SMYD4: variants seen among roughly 807,000 people sequenced by gnomAD.
The protein encoded by SMYD4 is protein-lysine N-methyltransferase SMYD4.
Under a neutral mutation model 72.8 loss-of-function variants are expected in SMYD4, and 68 were observed. The observed-to-expected ratio is 0.93, with a 90% CI of 0.77 to 1.14. The LOEUF (loss-of-function observed/expected upper bound fraction) is 1.14. Among genes scored for constraint, SMYD4 ranks in the 50% most tolerant of loss-of-function variants. SMYD4 has a pLI of 0.00. For missense variants in SMYD4, 984 were observed against 1,003.7 expected, an observed-to-expected ratio of 0.98 and a Z score of 0.27; for synonymous variants, 407 against 388.6, an observed-to-expected ratio of 1.05 and a Z score of -0.56.
chr17:1,826,387 G>T (rs113428902), intron 2 of SMYD4, among the ~76,000 whole-genome samples: 2,863 of 151,616 alleles, frequency 0.019, 105 homozygotes, highest in African/African-American at 0.066. Flanking sequence ...AGCTACTCGG[G>T]AGGCTGAGGC....
At chr17:1,790,908 C>G (rs953913709) in intron 5 of SMYD4, among the ~76,000 whole-genome samples, 20 of 148,550 alleles carry the variant, frequency 1.3e-4, no homozygotes, top group South Asian at 2.1e-4. Context: ...GGGTGGATCA[C>G]GAGGTCAGGA....
At chr17:1,787,232 G>C (rs527278973) in intron 6 of SMYD4, among the ~76,000 whole-genome samples, 190 bp downstream of exon 6, 1 of 152,170 alleles carries the variant, frequency 6.6e-6, no homozygotes, top group Non-Finnish European at 1.5e-5. Context: ...TAGTTTAGCC[G>C]CAATAGGGCC....
At chr17:1,787,771 T>C (rs1908785161) in intron 5 of SMYD4, among the ~76,000 whole-genome samples, 167 bp from the exon 6 acceptor site, 2 of 152,042 alleles carry the variant, frequency 1.3e-5, no homozygotes, top group African/African-American at 4.8e-5. Flanking sequence ...CACGGCAAGC[T>C]CCAGTCCCCA....
Position 1,799,841 on chromosome 17 carries a change from T to G in SMYD4, c.1537+16A>C. ...AGAACAATATTGAAAAGCAGGAACA[T>G]CAGGTTCCCTCTTACCTGTGTGTTG... On this transcript the variant is annotated intron_variant, in intron 5 of 10. Transcript: ENST00000305513. 6.5e-7 allele frequency: 1 copy of G among 1,537,698 alleles called. No individual in the cohort carries two copies. Among genetic ancestry groups the G allele is most frequent in the Middle Eastern group, 1.7e-4 (1 of 5,738 alleles).
At chr17:1,791,748 G>A (rs1345783756) in intron 5 of SMYD4, among the ~76,000 whole-genome samples, 1 of 152,078 alleles carries the variant, frequency 6.6e-6, no homozygotes. Context: ...GAGGCTGGGC[G>A]CAGTGGCTCA....
chr17:1,785,865 C>CT (rs1908660870), intron 7 of SMYD4, among the ~76,000 whole-genome samples: 1 of 152,140 alleles, frequency 6.6e-6, no homozygotes, highest in African/African-American at 2.4e-5. Context: ...CTAACACAAC[C>CT]GGCTCTGCCT....
intron 5 of SMYD4, among the ~76,000 whole-genome samples, chr17:1,797,299 G>T (rs1567772966): frequency 6.6e-6 from 1 of 152,146 alleles, no homozygotes; most frequent in Non-Finnish European, 1.5e-5. Context: ...AAAAAATTAA[G>T]AAAAGTATAA....
intron 3 of SMYD4, among the ~76,000 whole-genome samples, chr17:1,810,816 C>G (rs1170241486): frequency 6.6e-6 from 1 of 152,210 alleles, no homozygotes. Flanking sequence ...CGACAGGCAT[C>G]GGCATGCCAT....
At chr17:1,804,181 A>AT (rs1000851209) in intron 4 of SMYD4, among the ~76,000 whole-genome samples, 11 of 141,766 alleles carry the variant, frequency 7.8e-5, no homozygotes, top group African/African-American at 2.6e-4. Context: ...GGCCTAGTAC[A>AT]TTTTTTTGAG....
At chr17:1,822,616 T>C (rs886118434) in intron 2 of SMYD4, among the ~76,000 whole-genome samples, 2 of 152,046 alleles carry the variant, frequency 1.3e-5, no homozygotes, top group Non-Finnish European at 2.9e-5. Context: ...CCCGCCACCA[T>C]GGCCAGTTAA....
At chr17:1,820,830 A>G (rs1411087199) in intron 2 of SMYD4, among the ~76,000 whole-genome samples, 1 of 152,210 alleles carries the variant, frequency 6.6e-6, no homozygotes, top group Admixed American at 6.6e-5. Context: ...GCAAGAAAGA[A>G]AAGTGTGTGC....
At chr17:1,826,384 C>T (rs1333150001) in intron 2 of SMYD4, among the ~76,000 whole-genome samples, 2 of 149,720 alleles carry the variant, frequency 1.3e-5, no homozygotes, top group Non-Finnish European at 3.0e-5. Flanking sequence ...CCCAGCTACT[C>T]GGGAGGCTGA....
rs370352057 is a variant in SMYD4 at position 1,799,687 on chromosome 17, T to C, written c.1537+170A>G. On this transcript the variant is annotated intron_variant, in intron 5 of 10. Transcript: ENST00000305513. ...CCACGCCTGGCAGGATCAAATAATTTAAGGTCATATAGCTTCTTAATGGCA... is the reference window on the plus strand; with the variant it reads ...CCACGCCTGGCAGGATCAAATAATTCAAGGTCATATAGCTTCTTAATGGCA... 2.2e-4 allele frequency among the ~76,000 whole-genome samples: 34 copies of C among 152,260 alleles called. 1 individual carries two copies. The South Asian group carries it at 7.0e-3, about 32-fold the overall frequency.
At chr17:1,801,406 T>A (rs949968343) in intron 4 of SMYD4, among the ~76,000 whole-genome samples, 4 of 151,062 alleles carry the variant, frequency 2.6e-5, no homozygotes, top group African/African-American at 9.7e-5. Context: ...ACCCAGCTAT[T>A]TTTTTTTGTA....
intron 7 of SMYD4, among the ~76,000 whole-genome samples, chr17:1,784,909 A>G (rs1597365368): frequency 6.6e-6 from 1 of 150,716 alleles, no homozygotes; most frequent in African/African-American, 2.4e-5. Flanking sequence ...AGCTGGGACT[A>G]CAGGTGCCCA....
chr17:1,780,011 A>G lies in SMYD4; in HGVS notation c.*1275T>C, dbSNP rs1908285812. 1 of 152,518 alleles carries G rather than the reference A, an allele frequency of 6.6e-6. No homozygotes were observed. Among genetic ancestry groups the G allele is most frequent in the African/African-American group, 2.4e-5 (1 of 41,432 alleles). The allele number at this position is 152,518 out of a possible 1,614,324, so 9.4% of individuals were successfully genotyped here. On this transcript the variant is annotated 3_prime_UTR_variant, in exon 11 of 11. Coordinates refer to ENST00000305513, the MANE Select transcript of SMYD4 (RefSeq NM_052928.3). ...TGCAGATCAGCTAAAATCCTTTTAAAGGACTTGGAATCTCCAGATACTAGT... is the reference window on the plus strand; with the variant it reads ...TGCAGATCAGCTAAAATCCTTTTAAGGGACTTGGAATCTCCAGATACTAGT...
intron 3 of SMYD4, among the ~76,000 whole-genome samples, chr17:1,810,203 G>A (rs1420692915): frequency 6.6e-6 from 1 of 152,172 alleles, no homozygotes; most frequent in African/African-American, 2.4e-5. Flanking sequence ...GGCAGGCGAG[G>A]GGCCCATAAG....
At position 1,800,066 on chromosome 17, in the gene SMYD4, C is replaced by A. The variant is rs1289357164; in HGVS notation, c.1328G>T (p.Cys443Phe). 1.2e-6 allele frequency: 2 copies of A among 1,612,416 alleles called. No individual in the cohort carries two copies. Among genetic ancestry groups the A allele is most frequent in the Non-Finnish European group, 1.7e-6 (2 of 1,178,898 alleles). ...GCACAGTGCAGAAACACAGAGAGCACAGAGGAATTTGTGCTCTGGGCTATG... is the reference window on the plus strand; with the variant it reads ...GCACAGTGCAGAAACACAGAGAGCAAAGAGGAATTTGTGCTCTGGGCTATG... ...ENHSPEHKFL[C>F]ALCVSALCRQ... Residue 443 changes from cysteine (C) to phenylalanine (F), a missense_variant, in exon 5 of 11, where the codon TGT becomes TTT. Coordinates refer to ENST00000305513, the MANE Select transcript of SMYD4 (RefSeq NM_052928.3).
At chr17:1,783,926 C>G (rs971803162) in intron 8 of SMYD4, 1 of 292,026 alleles carries the variant, frequency 3.4e-6, no homozygotes, top group Non-Finnish European at 6.5e-6. Flanking sequence ...TCACGCCCCA[C>G]TGCTCTCTAG....
Sources: gnomAD v4.1 joint callset for allele counts (sites outside exome capture counted in the v4.1 genomes callset) on GRCh38, gnomAD v4.1.1 for gene constraint, MANE v1.5 for transcripts, NCBI Gene and HGNC (gene_info 2026-07-23, HGNC 2026-07-21) for gene names.